The following ZRANB3 variants were observed in gnomAD, a reference collection of about 807,000 sequenced individuals.
ZRANB3 encodes the protein DNA annealing helicase and endonuclease ZRANB3.
In ZRANB3, 125 loss-of-function variants were observed where a neutral mutation model predicts 133.8. That is an observed-to-expected ratio of 0.93 (90% CI 0.81 to 1.08). ZRANB3 has a LOEUF of 1.08. Among genes scored for constraint, ZRANB3 ranks in the 50% least tolerant of loss-of-function variants. The probability of loss-of-function intolerance (pLI) is 0.00; values close to 1 mark genes in which losing one functional copy is unlikely to be tolerated. For synonymous variants in ZRANB3, 387 were observed against 432.7 expected (o/e 0.89, Z 1.31); for missense variants, 1,229 against 1,275.5 (o/e 0.96, Z 0.56).
chr2:135,340,972 T>A (rs568630454), intron 6 of ZRANB3, among the ~76,000 whole-genome samples: 1 of 133,748 alleles, frequency 7.5e-6, no homozygotes, highest in African/African-American at 3.4e-5. Flanking sequence ...ATCTTTTATC[T>A]TCATTGTATT....
intron 1 of ZRANB3, chr2:135,511,227 GA>G: frequency 1.0e-6 from 1 of 959,692 alleles, no homozygotes; most frequent in South Asian, 1.3e-5. Context: ...TACTGTCTGA[GA>G]TATGTCTGCA....
intron 8 of ZRANB3, among the ~76,000 whole-genome samples, chr2:135,291,350 T>G (rs1681717287): frequency 6.6e-6 from 1 of 151,746 alleles, no homozygotes; most frequent in Admixed American, 6.6e-5. Flanking sequence ...ACCTAGCTAA[T>G]TTTTGTATTT....
intron 1 of ZRANB3, among the ~76,000 whole-genome samples, chr2:135,522,817 C>T (rs1694004096): frequency 6.6e-6 from 1 of 152,140 alleles, no homozygotes; most frequent in Non-Finnish European, 1.5e-5. Flanking sequence ...CAGGCCAAGT[C>T]AAAGAGGTGC....
chr2:135,357,136 A>T (rs915107012), intron 3 of ZRANB3, among the ~76,000 whole-genome samples: 1 of 152,062 alleles, frequency 6.6e-6, no homozygotes, highest in African/African-American at 2.4e-5. Context: ...TCACTCTGTC[A>T]CCAAGGGTGA....
At chr2:135,434,857 C>G (rs573564822) in intron 2 of ZRANB3, among the ~76,000 whole-genome samples, 7 of 152,232 alleles carry the variant, frequency 4.6e-5, no homozygotes, top group African/African-American at 1.7e-4. Context: ...TTTTCATTAT[C>G]TGATTGTGTT....
At chr2:135,499,186 T>C (rs1349668016) in intron 2 of ZRANB3, among the ~76,000 whole-genome samples, 3 of 152,112 alleles carry the variant, frequency 2.0e-5, no homozygotes, top group Non-Finnish European at 4.4e-5. Context: ...TTGTACTCTT[T>C]CCCTTTATTT....
At position 135,259,982 on chromosome 2, in the gene ZRANB3, C is replaced by T. The variant is rs116600300; in HGVS notation, c.1539+5552G>A. 3.0e-3 allele frequency among the ~76,000 whole-genome samples: 453 copies of T among 152,086 alleles called. 2 individuals carry two copies. Among genetic ancestry groups the T allele is most frequent in the African/African-American group, 0.01 (429 of 41,486 alleles). Reference sequence around the variant, plus strand: ...GCCCTAAAGAGGTTAAGGGAAGGGCCCCAATTTCCCACAGCTAGAGCTAGA... The same window carrying T: ...GCCCTAAAGAGGTTAAGGGAAGGGCTCCAATTTCCCACAGCTAGAGCTAGA... On this transcript the variant is annotated intron_variant, in intron 12 of 20. Transcript: ENST00000264159.
intron 8 of ZRANB3, among the ~76,000 whole-genome samples, chr2:135,289,582 TG>T (rs1446385035): frequency 1.1e-4 from 16 of 152,168 alleles, no homozygotes; most frequent in African/African-American, 3.9e-4. Flanking sequence ...TTCATTCCAC[TG>T]TGGTCTGAGA....
chr2:135,345,559 G>T lies in ZRANB3; in HGVS notation c.668C>A (p.Ala223Glu), dbSNP rs1252596520. The T allele has an allele frequency of 6.2e-7, 1 of 1,610,778 alleles. No homozygotes were observed. The highest frequency in any genetic ancestry group is 1.1e-5 in the South Asian group (1 of 90,498). The change falls in exon 6 of 21, where the codon GCA becomes GAA. Residue 223 changes from alanine (A) to glutamate (E), a missense_variant. Physicochemically the swap from Ala to Glu is moderately radical, Grantham distance 107. Transcript: ENST00000264159. ...AAATAGTTTAACTTACCTGATGTGT[G>T]CATTACAGTATCTTTTTGCATAGTC... is the stretch of plus-strand genomic sequence containing the variant. ...WTDYAKRYCN[A>E]HIRYFGKRPQ... is the part of the protein sequence containing the mutation.
At chr2:135,283,993 T>A (rs2104784806) in intron 8 of ZRANB3, among the ~76,000 whole-genome samples, 1 of 152,126 alleles carries the variant, frequency 6.6e-6, no homozygotes, top group Admixed American at 6.5e-5. Context: ...TTAAAAAAAA[T>A]CACTAATAGA....
intron 3 of ZRANB3, among the ~76,000 whole-genome samples, chr2:135,375,245 G>T (rs1686367207): frequency 6.6e-6 from 1 of 152,204 alleles, no homozygotes; most frequent in Non-Finnish European, 1.5e-5. Context: ...GTAGACTTGA[G>T]AAAAATATGA....
At chr2:135,207,191 TAATAAATA>T (rs377329317) in intron 19 of ZRANB3, among the ~76,000 whole-genome samples, 7 of 149,456 alleles carry the variant, frequency 4.7e-5, no homozygotes, top group East Asian at 2.0e-4. Flanking sequence ...AATAAATAAA[TAATAAATA>T]AATAAATAAA....
intron 3 of ZRANB3, chr2:135,355,323 T>C (rs1209614902): frequency 2.1e-6 from 2 of 930,620 alleles, no homozygotes; most frequent in African/African-American, 3.6e-5. Context: ...TGGGAACAAC[T>C]TGGTTCCAAT....
intron 2 of ZRANB3, among the ~76,000 whole-genome samples, chr2:135,400,209 C>A (rs1164590233): frequency 2.0e-5 from 3 of 152,042 alleles, no homozygotes; most frequent in African/African-American, 7.2e-5. Context: ...CACTGCACTC[C>A]AGCCTGGGCA....
intron 12 of ZRANB3, among the ~76,000 whole-genome samples, chr2:135,240,396 G>A (rs1214164490): frequency 6.6e-6 from 1 of 152,182 alleles, no homozygotes; most frequent in South Asian, 2.1e-4. Flanking sequence ...ACAGCAAAGA[G>A]AGCTTGCAGA....
chr2:135,496,295 A>G (rs980050329), intron 2 of ZRANB3, among the ~76,000 whole-genome samples: 1 of 151,514 alleles, frequency 6.6e-6, no homozygotes, highest in Non-Finnish European at 1.5e-5. Flanking sequence ...GAGGCAGGAC[A>G]ATCGCTTGAA....
chr2:135,354,328 T>C (rs150788885), intron 3 of ZRANB3, among the ~76,000 whole-genome samples: 70 of 152,258 alleles, frequency 4.6e-4, no homozygotes, highest in African/African-American at 1.3e-3. Flanking sequence ...CAAGCAGACA[T>C]AGAGAAGTTA....
At chr2:135,437,920 G>C (rs1159082306) in intron 2 of ZRANB3, among the ~76,000 whole-genome samples, 2 of 152,182 alleles carry the variant, frequency 1.3e-5, no homozygotes, top group Non-Finnish European at 1.5e-5. Flanking sequence ...ACCAATGTGA[G>C]TGGGTACCAT....
chr2:135,247,439 A>T (rs570897546), intron 12 of ZRANB3, among the ~76,000 whole-genome samples: 124 of 152,328 alleles, frequency 8.1e-4, no homozygotes, highest in African/African-American at 2.7e-3. Context: ...AGGCACAACT[A>T]CTAGTGTTTC....
Sources: gnomAD v4.1 joint callset for allele counts (sites outside exome capture counted in the v4.1 genomes callset) on GRCh38, gnomAD v4.1.1 for gene constraint, MANE v1.5 for transcripts, NCBI Gene and HGNC (gene_info 2026-07-23, HGNC 2026-07-21) for gene names.